FOCAD: variants seen among roughly 807,000 people sequenced by gnomAD.
FOCAD encodes focadhesin, also known as KIAA1797.
A neutral mutation model predicts 225.6 loss-of-function variants in FOCAD; 198 were observed. The ratio of observed to expected loss-of-function variants is 0.88; its 90% CI spans 0.78 to 0.99. The LOEUF (loss-of-function observed/expected upper bound fraction) is 0.99, where lower values mean the gene tolerates loss of function less well. FOCAD is among the 50% of genes least tolerant of loss of function. FOCAD has a pLI of 0.00. For synonymous variants in FOCAD, 897 were observed against 755.0 expected (o/e 1.19, Z -3.08); for missense variants, 2,713 against 2,123.6 (o/e 1.28, Z -5.46).
chr9:20,857,770 T>A (rs1186641834), intron 15 of FOCAD, among the ~76,000 whole-genome samples: 2 of 44,058 alleles, frequency 4.5e-5, no homozygotes, highest in African/African-American at 2.8e-4. Context: ...CTATACCCAG[T>A]TTTTTTTTTT....
chr9:20,878,510 A>C (rs1161187827), intron 19 of FOCAD, among the ~76,000 whole-genome samples: 1 of 152,202 alleles, frequency 6.6e-6, no homozygotes, highest in Non-Finnish European at 1.5e-5. Flanking sequence ...AGCCTTGTAC[A>C]CATAACTTAT....
chr9:20,924,608 C>T (rs1470722848), intron 25 of FOCAD, among the ~76,000 whole-genome samples: 1 of 152,128 alleles, frequency 6.6e-6, no homozygotes, highest in Non-Finnish European at 1.5e-5. Context: ...TCTCTGTCCT[C>T]AATGAGTATC....
chr9:20,866,543 T>G (rs1449289682), intron 17 of FOCAD, among the ~76,000 whole-genome samples: 2 of 152,044 alleles, frequency 1.3e-5, no homozygotes, highest in Non-Finnish European at 2.9e-5. Flanking sequence ...AGTTACTTTA[T>G]ATTTAATGTT....
chr9:20,758,441 T>G (rs1254081626), intron 6 of FOCAD, among the ~76,000 whole-genome samples: 1 of 152,032 alleles, frequency 6.6e-6, no homozygotes, highest in East Asian at 1.9e-4. Context: ...TGTATACATG[T>G]GCCATGCTGG....
chr9:20,876,523 A>G (rs1830238991), intron 19 of FOCAD, among the ~76,000 whole-genome samples: 1 of 152,042 alleles, frequency 6.6e-6, no homozygotes, highest in African/African-American at 2.4e-5. Context: ...GATCTTCTAC[A>G]TTGTTTGTCC....
intron 39 of FOCAD, among the ~76,000 whole-genome samples, chr9:20,984,833 C>T (rs1275144015): frequency 6.6e-6 from 1 of 152,186 alleles, no homozygotes; most frequent in Non-Finnish European, 1.5e-5. Context: ...CTGAGTCTCA[C>T]TTTGTCTCCC....
intron 18 of FOCAD, among the ~76,000 whole-genome samples, chr9:20,868,484 A>G (rs1323082644): frequency 6.6e-6 from 1 of 152,094 alleles, no homozygotes; most frequent in Non-Finnish European, 1.5e-5. Flanking sequence ...GCAAGAATTT[A>G]TAAGTGCTAT....
At chr9:20,824,199 G>T (rs991030074) in intron 15 of FOCAD, among the ~76,000 whole-genome samples, 2 of 152,028 alleles carry the variant, frequency 1.3e-5, no homozygotes, top group Non-Finnish European at 2.9e-5. Context: ...TGATTTTACT[G>T]CTTCTGTCAG....
At chr9:20,898,633 T>C (rs1365139960) in intron 21 of FOCAD, among the ~76,000 whole-genome samples, 3 of 151,956 alleles carry the variant, frequency 2.0e-5, no homozygotes, top group South Asian at 4.1e-4. Context: ...ATATTGTCTT[T>C]ATTATCTTTT....
At chr9:20,782,516 G>A (rs145426676) in intron 10 of FOCAD, among the ~76,000 whole-genome samples, 4 of 152,220 alleles carry the variant, frequency 2.6e-5, no homozygotes, top group African/African-American at 4.8e-5. Context: ...TTTCAGTCTT[G>A]CTTTTCCTGT....
At chr9:20,994,914 C>T (rs1203065277) in intron 43 of FOCAD, among the ~76,000 whole-genome samples, 1 of 152,132 alleles carries the variant, frequency 6.6e-6, no homozygotes, top group African/African-American at 2.4e-5. Context: ...GGCTTACCTA[C>T]ATTCCTTCAT....
chr9:20,682,697 G>A (rs1461448775), upstream of FOCAD, among the ~76,000 whole-genome samples: 1 of 152,106 alleles, frequency 6.6e-6, no homozygotes, highest in Non-Finnish European at 1.5e-5. Context: ...CCATAAAAAG[G>A]GAATTATAAG....
chr9:20,972,892 T>C (rs1310715944), intron 35 of FOCAD, among the ~76,000 whole-genome samples: 1 of 152,024 alleles, frequency 6.6e-6, no homozygotes, highest in Non-Finnish European at 1.5e-5. Context: ...CTTTCCTTTA[T>C]TCTGGTTCCC....
intron 11 of FOCAD, among the ~76,000 whole-genome samples, chr9:20,807,028 G>C (rs1474507333): frequency 6.6e-6 from 1 of 152,114 alleles, no homozygotes; most frequent in Non-Finnish European, 1.5e-5. Flanking sequence ...ATGTTTTCCT[G>C]TCTTTAAAAT....
chr9:20,743,723 A>G (rs1361132184), intron 5 of FOCAD, among the ~76,000 whole-genome samples: 1 of 152,160 alleles, frequency 6.6e-6, no homozygotes, highest in Non-Finnish European at 1.5e-5. Flanking sequence ...GTTTTGTGTG[A>G]GGCTCAGAAA....
At chr9:20,906,398 A>G (rs1460444527) in intron 21 of FOCAD, among the ~76,000 whole-genome samples, 1 of 152,014 alleles carries the variant, frequency 6.6e-6, no homozygotes, top group Admixed American at 6.6e-5. Context: ...TGTTACAGGA[A>G]TCATGAAATG....
chr9:20,943,134 G>C (rs1836834205), intron 28 of FOCAD, among the ~76,000 whole-genome samples: 1 of 152,140 alleles, frequency 6.6e-6, no homozygotes, highest in Non-Finnish European at 1.5e-5. Context: ...TATTAATCAA[G>C]AGTAGCCTTT....
chr9:20,975,406 G>T (rs1337918545), intron 35 of FOCAD, among the ~76,000 whole-genome samples: 1 of 152,208 alleles, frequency 6.6e-6, no homozygotes, highest in Non-Finnish European at 1.5e-5. Context: ...ACAGCCCTTA[G>T]ATGCTCACTT....
rs1335136422 is a variant in FOCAD at position 20,770,299 on chromosome 9, G to A, written c.906+61G>A. 7 of 1,437,968 alleles carry A rather than the reference G, an allele frequency of 4.9e-6. No homozygotes were observed. The Admixed American group carries it at 1.3e-4, about 26-fold the overall frequency. 89.1% of individuals were successfully genotyped at this position (1,437,968 alleles called of 1,614,324 possible). On this transcript the variant is annotated intron_variant, in intron 8 of 43. Coordinates refer to ENST00000338382, the MANE Select transcript of FOCAD (RefSeq NM_001375567.1). ...GCTATTAAGAAATACCTGAGACTTGGTAATTTATAAAGAAATGAGGTTTAA... is the reference window on the plus strand; with the variant it reads ...GCTATTAAGAAATACCTGAGACTTGATAATTTATAAAGAAATGAGGTTTAA...
Sources: allele counts gnomAD v4.1 joint callset (sites outside exome capture counted in the v4.1 genomes callset), GRCh38; gene constraint gnomAD v4.1.1; transcripts MANE v1.5; gene names NCBI Gene and HGNC (gene_info 2026-07-23, HGNC 2026-07-21).